Variants in NTF3 observed in about 807,000 individuals in gnomAD.
NTF3 encodes neurotrophin-3.
A neutral mutation model predicts 26.3 loss-of-function variants in NTF3; 8 were observed. The ratio of observed to expected loss-of-function variants is 0.30; its 90% CI spans 0.18 to 0.55. The LOEUF (loss-of-function observed/expected upper bound fraction) is 0.55. Ranked by LOEUF, NTF3 falls within the 20% of genes least tolerant of loss-of-function variation. NTF3 has a pLI of 0.93. For synonymous variants in NTF3, 154 were observed against 145.5 expected, an observed-to-expected ratio of 1.06 and a Z score of -0.42; for missense variants, 276 against 352.9, an observed-to-expected ratio of 0.78 and a Z score of 1.75.
chr12:5,459,361 A>G (rs903880758), intron 1 of NTF3, among the ~76,000 whole-genome samples: 1 of 152,194 alleles, frequency 6.6e-6, no homozygotes, highest in East Asian at 1.9e-4. Flanking sequence ...CTCAAGGCTC[A>G]GTGTCTGTCC....
intron 1 of NTF3, among the ~76,000 whole-genome samples, chr12:5,435,732 A>G (rs1335529202): frequency 6.6e-6 from 1 of 152,094 alleles, no homozygotes; most frequent in Admixed American, 6.5e-5. Flanking sequence ...TGAAGTCATG[A>G]TCAAGGAAGA....
intron 1 of NTF3, among the ~76,000 whole-genome samples, chr12:5,451,241 C>T (rs1940369119): frequency 6.6e-6 from 1 of 152,228 alleles, no homozygotes; most frequent in South Asian, 2.1e-4. Flanking sequence ...TGCCTCCTAA[C>T]CACGGCCTTT....
In NTF3 at chr12:5,482,395, A is replaced by G. The variant is rs375258424; in HGVS notation, c.19-11799A>G. On this transcript the variant is annotated intron_variant, in intron 1 of 1. Coordinates refer to ENST00000423158, the MANE Select transcript of NTF3 (RefSeq NM_001102654.2). The stretch of plus-strand genomic sequence containing the variant: ...GAGTGCCCGTGCCTTCGTCTTTCCC[A>G]TGGTGCTGGGTCTTGGCCACCTGCT... 4.6e-5 allele frequency among the ~76,000 whole-genome samples: 7 copies of G among 152,206 alleles called. No individual in the cohort carries two copies. In the East Asian group the frequency reaches 9.7e-4, roughly 21 times the overall value.
intron 1 of NTF3, among the ~76,000 whole-genome samples, chr12:5,432,594 CACACACACACACAG>C (rs1412306515): frequency 2.0e-5 from 3 of 150,960 alleles, no homozygotes; most frequent in African/African-American, 2.5e-5. Context: ...CACACACACA[CACACACACACACAG>C]ACACGGACAC....
intron 1 of NTF3, among the ~76,000 whole-genome samples, chr12:5,473,332 C>A (rs1269702638): frequency 1.3e-5 from 2 of 152,164 alleles, no homozygotes; most frequent in Admixed American, 1.3e-4. Flanking sequence ...CCCTCAGGAA[C>A]TTGAAATCCG....
intron 1 of NTF3, among the ~76,000 whole-genome samples, chr12:5,481,999 G>A (rs945905727): frequency 2.6e-5 from 4 of 151,184 alleles, no homozygotes; most frequent in Admixed American, 6.6e-5. Context: ...AGGCATACAT[G>A]CATGCATACA....
intron 1 of NTF3, among the ~76,000 whole-genome samples, chr12:5,447,911 T>C (rs1453622352): frequency 1.3e-5 from 2 of 152,212 alleles, no homozygotes; most frequent in Non-Finnish European, 1.5e-5. Context: ...TTATTTCTGA[T>C]AATGTCATCT....
intron 1 of NTF3, among the ~76,000 whole-genome samples, chr12:5,489,172 T>C (rs1031112109): frequency 1.6e-4 from 24 of 152,200 alleles, no homozygotes; most frequent in Admixed American, 1.3e-3. Context: ...GGTGAGGGAA[T>C]TGGATTGTGT....
chr12:5,464,253 G>A (rs956613989), intron 1 of NTF3, among the ~76,000 whole-genome samples: 2 of 152,226 alleles, frequency 1.3e-5, no homozygotes, highest in African/African-American at 4.8e-5. Flanking sequence ...CTTATGTGGG[G>A]TAGAGATGCC....
intron 1 of NTF3, among the ~76,000 whole-genome samples, chr12:5,448,923 G>A (rs947559692): frequency 3.3e-5 from 5 of 152,184 alleles, no homozygotes; most frequent in Admixed American, 2.0e-4. Flanking sequence ...ATTCGGCAAC[G>A]CACTTCTGAG....
intron 1 of NTF3, among the ~76,000 whole-genome samples, chr12:5,492,763 G>A (rs6489629): frequency 0.87 from 131,850 of 152,204 alleles, 57,401 homozygotes; most frequent in Middle Eastern, 0.95. Flanking sequence ...CAAGTGAGCC[G>A]GCAGTATTTC....
At chr12:5,441,873 C>T (rs1940241734) in intron 1 of NTF3, among the ~76,000 whole-genome samples, 1 of 152,202 alleles carries the variant, frequency 6.6e-6, no homozygotes, top group South Asian at 2.1e-4. Flanking sequence ...TGTTCTTACT[C>T]CCTTTTAGAG....
rs537636105 is a variant in NTF3, at chr12:5,466,328, A to G, written c.19-27866A>G. Among the ~76,000 whole-genome samples, 5 of 152,344 alleles carry G rather than the reference A, an allele frequency of 3.3e-5. No individual in the cohort carries two copies. In the South Asian group the frequency reaches 1.0e-3, roughly 32 times the overall value. ...GAGAGCAGCTATTGGCATTCTGCTT[A>G]CGTGCTGTTTCCAGAGGTAAACTCA... On this transcript the variant is annotated intron_variant, in intron 1 of 1. Transcript: ENST00000423158.
chr12:5,469,521 C>T (rs1940638229), intron 1 of NTF3, among the ~76,000 whole-genome samples: 1 of 152,132 alleles, frequency 6.6e-6, no homozygotes, highest in Non-Finnish European at 1.5e-5. Flanking sequence ...GTGATTGTCA[C>T]AGTGCACAGC....
At chr12:5,432,412 C>G in intron 1 of NTF3, 70 bp downstream of exon 1, 1 of 1,559,216 alleles carries the variant, frequency 6.4e-7, no homozygotes, top group Non-Finnish European at 8.8e-7. Flanking sequence ...GAGGGATTTT[C>G]CAGTGGACTG....
At chr12:5,483,255 A>G (rs573375247) in intron 1 of NTF3, among the ~76,000 whole-genome samples, 38 of 151,768 alleles carry the variant, frequency 2.5e-4, no homozygotes, top group Non-Finnish European at 4.9e-4. Context: ...TGAAGTCTCC[A>G]TGAGCAGTGG....
intron 1 of NTF3, among the ~76,000 whole-genome samples, chr12:5,492,880 G>A (rs1334567006): frequency 2.6e-5 from 4 of 152,288 alleles, no homozygotes; most frequent in East Asian, 1.9e-4. Context: ...TTCTTGTGTC[G>A]GCTTTGTTTA....
rs144879325 is a variant in NTF3, at chr12:5,467,943, A to T, written c.19-26251A>T. ...AATAATTCTCATTCCCTTTCCCCAA[A>T]CTCTGTCCTGAAGCACCACTCCCCA... On this transcript the variant is annotated intron_variant, in intron 1 of 1. Coordinates refer to ENST00000423158, the MANE Select transcript of NTF3 (RefSeq NM_001102654.2). Among the ~76,000 whole-genome samples the T allele has an allele frequency of 3.7e-3, 563 of 151,480 alleles. 2 individuals are homozygous for T. Among genetic ancestry groups the T allele is most frequent in the African/African-American group, 0.013 (520 of 41,202 alleles).
intron 1 of NTF3, among the ~76,000 whole-genome samples, chr12:5,448,489 C>T (rs943394733): frequency 1.4e-4 from 22 of 152,102 alleles, no homozygotes; most frequent in African/African-American, 5.3e-4. Flanking sequence ...GCTCTCGTGT[C>T]CTGAATATTT....
Sources: allele counts gnomAD v4.1 joint callset (sites outside exome capture counted in the v4.1 genomes callset), GRCh38; gene constraint gnomAD v4.1.1; transcripts MANE v1.5; gene names NCBI Gene and HGNC (gene_info 2026-07-23, HGNC 2026-07-21).